Variants in S1PR3 observed in about 807,000 individuals in gnomAD.
S1PR3 encodes sphingosine 1-phosphate receptor 3.
Under a neutral mutation model 13.3 loss-of-function variants are expected in S1PR3, and 12 were observed. That is an observed-to-expected ratio of 0.90 (90% CI 0.58 to 1.46). The LOEUF (loss-of-function observed/expected upper bound fraction) is 1.46, where lower values mean the gene tolerates loss of function less well. Among genes scored for constraint, S1PR3 ranks in the 40% most tolerant of loss-of-function variants. S1PR3 has a pLI of 0.00. For synonymous variants in S1PR3, 232 were observed against 214.0 expected, an observed-to-expected ratio of 1.08 and a Z score of -0.73; for missense variants, 450 against 501.9, an observed-to-expected ratio of 0.90 and a Z score of 0.99.
chr9:89,002,394 C>G lies in S1PR3; in HGVS notation c.*57C>G, dbSNP rs1250909173. Reference sequence around the variant, plus strand: ...TTCTTATTTATTGCATGCGTCGCTTCCACAGGGGCCCCTCAAGAGCTGTGA... The same window carrying G: ...TTCTTATTTATTGCATGCGTCGCTTGCACAGGGGCCCCTCAAGAGCTGTGA... On this transcript the variant is annotated 3_prime_UTR_variant, in exon 2 of 2. Coordinates refer to ENST00000358157, the MANE Select transcript of S1PR3 (RefSeq NM_005226.4). 10 of 1,555,078 alleles carry G rather than the reference C, an allele frequency of 6.4e-6. No homozygotes were observed. The highest frequency in any genetic ancestry group is 7.8e-6 in the Non-Finnish European group (9 of 1,147,246).
At position 89,001,086 on chromosome 9, in the gene S1PR3, G is replaced by C. The variant is rs527292320; in HGVS notation, c.-115G>C. ...TTTTCAACGCCCTCGCTGGAGTCTG[G>C]CCTGCACGCCTTGCTGAATGAAGCC... On this transcript the variant is annotated 5_prime_UTR_variant, in exon 2 of 2. Transcript: ENST00000358157. 8 of 1,220,812 alleles carry C rather than the reference G, an allele frequency of 6.6e-6. No individual in the cohort carries two copies. The East Asian group carries it at 1.2e-4, about 18-fold the overall frequency. 75.6% of individuals were successfully genotyped at this position (1,220,812 alleles called of 1,614,324 possible).
chr9:88,993,397 C>T (rs1269383060), intron 1 of S1PR3: 1 of 152,168 alleles, frequency 6.6e-6, no homozygotes, highest in Non-Finnish European at 1.5e-5. Context: ...GCTGTAGAAC[C>T]CTTTAACTGC....
At position 89,002,528 on chromosome 9, in the gene S1PR3, T is replaced by A; in HGVS notation, c.*191T>A. 1 of 678,372 alleles carries A rather than the reference T, an allele frequency of 1.5e-6. No individual in the cohort carries two copies. The highest frequency in any genetic ancestry group is 2.5e-6 in the Non-Finnish European group (1 of 396,702). 42.0% of individuals were successfully genotyped at this position (678,372 alleles called of 1,614,324 possible). On this transcript the variant is annotated 3_prime_UTR_variant, in exon 2 of 2. Coordinates refer to ENST00000358157, the MANE Select transcript of S1PR3 (RefSeq NM_005226.4). ...GCTTCAGTGTAAACAACGTGCCTTG[T>A]CCACTTTGGGCTCCAGAGTCTTTCA...
At position 88,991,726 on chromosome 9, in the gene S1PR3, C is replaced by G. The variant is rs763120926; in HGVS notation, c.-148+31C>G. 4.4e-5 allele frequency: 67 copies of G among 1,539,114 alleles called. 1 individual carries two copies. The South Asian group carries it at 5.0e-4, about 12-fold the overall frequency. On this transcript the variant is annotated intron_variant, in intron 1 of 1. Coordinates refer to ENST00000358157, the MANE Select transcript of S1PR3 (RefSeq NM_005226.4). The surrounding 1 kb of genome is among the most constrained non-coding windows in gnomAD (Gnocchi z 4.0). ...AGGCGGGCCCGGGCGGGGCGCGGAA[C>G]CAGGGTGGGGGGCTGGGGGCCGAAG...
chr9:88,990,950 C>G (rs1825682034), upstream of S1PR3: 1 of 1,606,130 alleles, frequency 6.2e-7, no homozygotes, highest in Admixed American at 1.7e-5. Flanking sequence ...CGGCGCCAGG[C>G]GCCCACCTGC....
At position 89,001,319 on chromosome 9, in the gene S1PR3, C is replaced by T. The variant is rs957845808; in HGVS notation, c.119C>T (p.Thr40Met). 3.7e-6 allele frequency: 6 copies of T among 1,614,070 alleles called. No homozygotes were observed. The highest frequency in any genetic ancestry group is 2.2e-5 in the East Asian group (1 of 44,902). The change falls in exon 2 of 2, where the codon ACG becomes ATG. Residue 40 changes from threonine (T) to methionine (M), a missense_variant. Thr to Met is a moderately conservative substitution (Grantham distance 81). Transcript: ENST00000358157. Reference sequence around the variant, plus strand: ...CTGAAGGAGGCCTCCGAGGGCAGCACGCTCACCACCGTGCTCTTCTTGGTC... The same window carrying T: ...CTGAAGGAGGCCTCCGAGGGCAGCATGCTCACCACCGTGCTCTTCTTGGTC... ...GRLKEASEGS[T>M]LTTVLFLVIC...
rs1015433361 is a variant in S1PR3, at chr9:89,004,159, G to T, written c.*1822G>T. The T allele has an allele frequency of 6.5e-6, 1 of 155,038 alleles. No individual in the cohort carries two copies. The highest frequency in any genetic ancestry group is 2.4e-5 in the African/African-American group (1 of 41,466). 9.6% of individuals were successfully genotyped at this position (155,038 alleles called of 1,614,324 possible). ...CACACCTGTAATCCCAGCACTTTGG[G>T]AGGCTGAGGCGGGTGGATCACCTGA... is the stretch of plus-strand genomic sequence containing the variant. On this transcript the variant is annotated 3_prime_UTR_variant, in exon 2 of 2. Coordinates refer to ENST00000358157, the MANE Select transcript of S1PR3 (RefSeq NM_005226.4).
At chr9:88,992,239 G>A (rs1396470356) in intron 1 of S1PR3, 1 of 562,652 alleles carries the variant, frequency 1.8e-6, no homozygotes, top group Non-Finnish European at 3.1e-6. Flanking sequence ...GCTAGAGAAG[G>A]GGCTTTGGGC....
At chr9:88,991,144 C>T, upstream of S1PR3, 1 of 1,610,550 alleles carries the variant, frequency 6.2e-7, no homozygotes, top group Non-Finnish European at 8.5e-7. This position sits in a 1 kb window ranked among gnomAD's most constrained non-coding sequence, Gnocchi z 4.0. Flanking sequence ...GGTCTCTGGG[C>T]GCCCGGTTTC....
chr9:89,001,539 C>A lies in S1PR3; in HGVS notation c.339C>A (p.Leu113=), dbSNP rs1200500213. 1.2e-6 allele frequency: 2 copies of A among 1,614,134 alleles called. No individual in the cohort carries two copies. The highest frequency in any genetic ancestry group is 1.7e-6 in the Non-Finnish European group (2 of 1,180,058). ...TFSLSPTVWF[L]REGSMFVALG... is the part of the protein sequence containing the mutation. ...GCCTGTCTCCCACGGTCTGGTTCCTCAGGGAGGGCAGTATGTTCGTGGCCC... is the reference window on the plus strand; with the variant it reads ...GCCTGTCTCCCACGGTCTGGTTCCTAAGGGAGGGCAGTATGTTCGTGGCCC... The change falls in exon 2 of 2, where the codon CTC becomes CTA. Residue 113 remains leucine (L), a synonymous_variant. Transcript: ENST00000358157.
rs11795137 is a variant in S1PR3, at chr9:88,991,607, T to G, written c.-236T>G. 4 of 1,542,048 alleles carry G rather than the reference T, an allele frequency of 2.6e-6. No individual in the cohort carries two copies. Among genetic ancestry groups the G allele is most frequent in the East Asian group, 2.5e-5 (1 of 39,948 alleles). ...AGACTGCCGGGCCTCCCAGCCCATCTGGCATTCGAGCGCAGGACCGGGCGC... is the reference window on the plus strand; with the variant it reads ...AGACTGCCGGGCCTCCCAGCCCATCGGGCATTCGAGCGCAGGACCGGGCGC... On this transcript the variant is annotated 5_prime_UTR_variant, in exon 1 of 2. Coordinates refer to ENST00000358157, the MANE Select transcript of S1PR3 (RefSeq NM_005226.4). This position sits in a 1 kb window ranked among gnomAD's most constrained non-coding sequence, Gnocchi z 4.0.
intron 1 of S1PR3, chr9:88,992,148 T>A: frequency 1.0e-6 from 1 of 994,034 alleles, no homozygotes; most frequent in Non-Finnish European, 1.5e-6. Context: ...TCAGAATCGG[T>A]GCTGGAAGAC....
Position 89,002,122 on chromosome 9 carries a change from G to A in S1PR3, c.922G>A (p.Ala308Thr). ...GCTGGCCAGCAAGGAGATGCGGCGG[G>A]CCTTCTTCCGTCTGGTCTGCAACTG... ...YTLASKEMRR[A>T]FFRLVCNCLV... Residue 308 changes from alanine to threonine, a missense_variant, in exon 2 of 2, where the codon GCC becomes ACC. Physicochemically the swap from Ala to Thr is moderately conservative, Grantham distance 58. Coordinates refer to ENST00000358157, the MANE Select transcript of S1PR3 (RefSeq NM_005226.4). 2 of 1,613,748 alleles carry A rather than the reference G, an allele frequency of 1.2e-6. No individual in the cohort carries two copies. The highest frequency in any genetic ancestry group is 1.7e-6 in the Non-Finnish European group (2 of 1,180,024).
chr9:88,991,173 G>A, upstream of S1PR3: 1 of 1,604,784 alleles, frequency 6.2e-7, no homozygotes, highest in Non-Finnish European at 8.5e-7. The surrounding 1 kb of genome is among the most constrained non-coding windows in gnomAD (Gnocchi z 4.0). Context: ...GAGCTCGCCC[G>A]ATGAGGACAA....
Position 89,001,195 on chromosome 9 carries a change from C to T in S1PR3, c.-6C>T, listed in dbSNP as rs1257460094. 1.2e-6 allele frequency: 2 copies of T among 1,610,294 alleles called. No homozygotes were observed. The highest frequency in any genetic ancestry group is 1.7e-6 in the Non-Finnish European group (2 of 1,177,432). Reference sequence around the variant, plus strand: ...TTTGGAGCTAATCGTCTGTGAATGCCAAGTGATGGCAACTGCCCTCCCGCC... The same window carrying T: ...TTTGGAGCTAATCGTCTGTGAATGCTAAGTGATGGCAACTGCCCTCCCGCC... On this transcript the variant is annotated 5_prime_UTR_variant, in exon 2 of 2. Transcript: ENST00000358157.
chr9:88,991,348 G>C (rs1342681639), upstream of S1PR3: 7 of 1,311,280 alleles, frequency 5.3e-6, no homozygotes, highest in South Asian at 8.2e-5. The surrounding 1 kb of genome is among the most constrained non-coding windows in gnomAD (Gnocchi z 4.0). Context: ...TTCGCGGGCG[G>C]GGGACGGGGA....
At position 88,991,731 on chromosome 9, in the gene S1PR3, G is replaced by A; in HGVS notation, c.-148+36G>A. The stretch of plus-strand genomic sequence containing the variant: ...GGCCCGGGCGGGGCGCGGAACCAGG[G>A]TGGGGGGCTGGGGGCCGAAGGACCC... On this transcript the variant is annotated intron_variant, in intron 1 of 1. Coordinates refer to ENST00000358157, the MANE Select transcript of S1PR3 (RefSeq NM_005226.4). The surrounding 1 kb of genome is among the most constrained non-coding windows in gnomAD (Gnocchi z 4.0). 1 of 1,544,600 alleles carries A rather than the reference G, an allele frequency of 6.5e-7. No individual in the cohort carries two copies. The highest frequency in any genetic ancestry group is 8.7e-7 in the Non-Finnish European group (1 of 1,143,454).
Position 89,001,647 on chromosome 9 carries a change from C to A in S1PR3, c.447C>A (p.Asn149Lys), listed in dbSNP as rs777392634. 3.7e-6 allele frequency: 6 copies of A among 1,614,240 alleles called. No homozygotes were observed. The South Asian group carries it at 5.5e-5, about 15-fold the overall frequency. Residue 149 changes from asparagine to lysine, a missense_variant, in exon 2 of 2, where the codon AAC becomes AAA. By Grantham distance (94) the Asn-to-Lys change is moderately conservative. Coordinates refer to ENST00000358157, the MANE Select transcript of S1PR3 (RefSeq NM_005226.4). ...TCAAAATGAGGCCTTACGACGCCAA[C>A]AAGAGGCACCGCGTCTTCCTCCTGA... ...TMIKMRPYDA[N>K]KRHRVFLLIG...
At chr9:88,993,707 A>T (rs1352830721) in intron 1 of S1PR3, 2 of 152,224 alleles carry the variant, frequency 1.3e-5, no homozygotes, top group Non-Finnish European at 1.5e-5. Flanking sequence ...GTTTCAGTTA[A>T]TAACATGTTT....
Sources: gnomAD v4.1 joint callset for allele counts on GRCh38, gnomAD v4.1.1 for gene constraint, Gnocchi (gnomAD v3.1) non-coding constraint, MANE v1.5 for transcripts, NCBI Gene and HGNC (gene_info 2026-07-23, HGNC 2026-07-21) for gene names.